RNF139: variants seen among roughly 807,000 people sequenced by gnomAD.
RNF139 encodes E3 ubiquitin-protein ligase RNF139.
In RNF139, 15 loss-of-function variants were observed where a neutral mutation model predicts 49.5. That is an observed-to-expected ratio of 0.30 (90% CI 0.20 to 0.47). The LOEUF (loss-of-function observed/expected upper bound fraction) is 0.47. RNF139 is among the 20% of genes least tolerant of loss of function. The pLI is 1.00. For missense variants in RNF139, 619 were observed against 806.3 expected (o/e 0.77, Z 2.81); for synonymous variants, 325 against 300.9 (o/e 1.08, Z -0.83).
intron 1 of RNF139, among the ~76,000 whole-genome samples, chr8:124,476,593 C>G (rs989705566): frequency 6.6e-6 from 1 of 152,196 alleles, no homozygotes; most frequent in Non-Finnish European, 1.5e-5. Flanking sequence ...ATGTTCAGCC[C>G]AAGCTGCTTC....
In RNF139 at chr8:124,486,450, T is replaced by C. The variant is rs746063456; in HGVS notation, c.801T>C (p.Phe267=). The change falls in exon 2 of 2, where the codon TTT becomes TTC. Residue 267 remains phenylalanine (F), a synonymous_variant. Coordinates refer to ENST00000303545, the MANE Select transcript of RNF139 (RefSeq NM_007218.4). ...TGGCAAATGAAACTGATTCCTTCTT[T>C]ATTTCTTGGGATGATTTTTGGGACC... ...LRMANETDSF[F]ISWDDFWDLI... is the part of the protein sequence containing the mutation. 1.7e-5 allele frequency: 28 copies of C among 1,614,028 alleles called. No individual in the cohort carries two copies. The highest frequency in any genetic ancestry group is 2.2e-5 in the East Asian group (1 of 44,892).
intron 1 of RNF139, among the ~76,000 whole-genome samples, chr8:124,480,440 T>TG (rs1234893972): frequency 1.4e-5 from 2 of 148,054 alleles, no homozygotes; most frequent in African/African-American, 5.0e-5. Context: ...AGTCAAATCT[T>TG]GGGTAAGGGG....
At chr8:124,477,538 G>C (rs910075829) in intron 1 of RNF139, among the ~76,000 whole-genome samples, 1 of 152,110 alleles carries the variant, frequency 6.6e-6, no homozygotes. Flanking sequence ...TTTATGTGTG[G>C]TGGTAGAAGT....
At chr8:124,476,086 C>A (rs4870899) in intron 1 of RNF139, among the ~76,000 whole-genome samples, 12,456 of 152,160 alleles carry the variant, frequency 0.082, 777 homozygotes, top group South Asian at 0.29. Context: ...TGTAACTTGG[C>A]AAATTTTGTT....
chr8:124,481,826 T>A (rs1408867140), intron 1 of RNF139, among the ~76,000 whole-genome samples: 2 of 152,160 alleles, frequency 1.3e-5, no homozygotes, highest in Non-Finnish European at 2.9e-5. Context: ...GGCTTTCATG[T>A]CTAATGTAAA....
In RNF139 at chr8:124,487,419, C is replaced by T. The variant is rs775527303; in HGVS notation, c.1770C>T (p.Tyr590=). 3 of 1,614,076 alleles carry T rather than the reference C, an allele frequency of 1.9e-6. No homozygotes were observed. The highest frequency in any genetic ancestry group is 2.5e-6 in the Non-Finnish European group (3 of 1,179,976). ...GTCCAATGTGCCATCAGAAAGTATA[C>T]ATCGAAGATGATATCAAGGATAATT... ...DTCPMCHQKV[Y]IEDDIKDNSN... The change falls in exon 2 of 2, where the codon TAC becomes TAT. Residue 590 remains tyrosine, a synonymous_variant. Transcript: ENST00000303545.
In RNF139 at chr8:124,474,895, AGCC is replaced by A. The variant is rs150293365; in HGVS notation, c.-202_-200del. ...ACCGAAACCCAGAGACCTCCTGGGG[AGCC>A]GCCGCCGCCGCCCTCTCGGCCATCG... On this transcript the variant is annotated 5_prime_UTR_variant, in exon 1 of 2. Coordinates refer to ENST00000303545, the MANE Select transcript of RNF139 (RefSeq NM_007218.4). The surrounding 1 kb of genome is among the most constrained non-coding windows in gnomAD (Gnocchi z 4.6). 15 of 312,856 alleles carry A rather than the reference AGCC, an allele frequency of 4.8e-5. No homozygotes were observed. Among genetic ancestry groups the A allele is most frequent in the South Asian group, 1.5e-4 (1 of 6,704 alleles). The allele number at this position is 312,856 out of a possible 1,614,324, so 19.4% of individuals were successfully genotyped here.
intron 1 of RNF139, among the ~76,000 whole-genome samples, chr8:124,478,899 A>G (rs539780391): frequency 4.7e-5 from 7 of 149,890 alleles, no homozygotes; most frequent in East Asian, 4.1e-4. Context: ...ATTTTTTTCT[A>G]TTTTTAGTAG....
intron 1 of RNF139, among the ~76,000 whole-genome samples, chr8:124,478,132 ACT>A (rs1289091621): frequency 4.7e-5 from 7 of 149,852 alleles, no homozygotes; most frequent in Non-Finnish European, 7.4e-5. Context: ...ATAGAGTGAG[ACT>A]CTGTCTAAAA....
intron 1 of RNF139, among the ~76,000 whole-genome samples, chr8:124,478,526 C>A (rs1044854419): frequency 8.8e-5 from 13 of 146,954 alleles, no homozygotes; most frequent in African/African-American, 3.3e-4. Flanking sequence ...GAGAATCTCT[C>A]GAATCGGGGA....
rs1378819937 is a variant in RNF139 at position 124,486,432 on chromosome 8, T to C, written c.783T>C (p.Asn261=). 4 of 1,614,072 alleles carry C rather than the reference T, an allele frequency of 2.5e-6. No individual in the cohort carries two copies. Among genetic ancestry groups the C allele is most frequent in the Non-Finnish European group, 3.4e-6 (4 of 1,180,032 alleles). Residue 261 remains asparagine, a synonymous_variant, in exon 2 of 2, where the codon AAT becomes AAC. Coordinates refer to ENST00000303545, the MANE Select transcript of RNF139 (RefSeq NM_007218.4). ...TAATGTACATCTTAAGGATGGCAAATGAAACTGATTCCTTCTTTATTTCTT... is the reference window on the plus strand; with the variant it reads ...TAATGTACATCTTAAGGATGGCAAACGAAACTGATTCCTTCTTTATTTCTT... The part of the protein sequence containing the change: ...TVLMYILRMA[N]ETDSFFISWD...
Position 124,486,735 on chromosome 8 carries a change from A to C in RNF139, c.1086A>C (p.Ala362=), listed in dbSNP as rs1192268748. 16 of 1,613,990 alleles carry C rather than the reference A, an allele frequency of 9.9e-6. No individual in the cohort carries two copies. Among genetic ancestry groups the C allele is most frequent in the Non-Finnish European group, 1.4e-5 (16 of 1,179,958 alleles). ...LSRNMCLLLT[A]VLHFIHGMTD... The stretch of plus-strand genomic sequence containing the variant: ...GAAACATGTGCCTTTTATTAACTGC[A>C]GTCCTGCATTTTATCCATGGAATGA... Residue 362 remains alanine, a synonymous_variant, in exon 2 of 2, where the codon GCA becomes GCC. Coordinates refer to ENST00000303545, the MANE Select transcript of RNF139 (RefSeq NM_007218.4).
chr8:124,480,557 G>T (rs948970528), intron 1 of RNF139, among the ~76,000 whole-genome samples: 1 of 152,114 alleles, frequency 6.6e-6, no homozygotes, highest in Non-Finnish European at 1.5e-5. Flanking sequence ...AAGAAGGAGA[G>T]AAGAGGAGAA....
Position 124,475,218 on chromosome 8 carries a change from A to C in RNF139, c.109A>C (p.Ile37Leu), listed in dbSNP as rs772771107. 1.7e-5 allele frequency: 28 copies of C among 1,612,788 alleles called. No homozygotes were observed. In the South Asian group the frequency reaches 2.9e-4, roughly 16 times the overall value. ...RVPCLYIIDA[I>L]FNSYPDSSQS... is the part of the protein sequence containing the mutation. ...GCCCTGCCTTTACATCATCGACGCC[A>C]TCTTCAACTCCTACCCGGATTCCAG... The change falls in exon 1 of 2, where the codon ATC (isoleucine) becomes CTC (leucine). Residue 37 changes from isoleucine to leucine, a missense_variant. Physicochemically the swap from Ile to Leu is conservative, Grantham distance 5. Coordinates refer to ENST00000303545, the MANE Select transcript of RNF139 (RefSeq NM_007218.4).
At position 124,487,180 on chromosome 8, in the gene RNF139, C is replaced by T; in HGVS notation, c.1531C>T (p.Gln511Ter). 6.2e-7 allele frequency: 1 copy of T among 1,613,934 alleles called. No homozygotes were observed. Among genetic ancestry groups the T allele is most frequent in the Non-Finnish European group, 8.5e-7 (1 of 1,180,000 alleles). Reference protein sequence around the residue: ...CLHAYFNIYLQAKNGWKTFMN... With the variant: ...CLHAYFNIYL Reference sequence around the variant, plus strand: ...ACATGCATATTTTAACATCTACTTACAAGCCAAAAATGGCTGGAAGACATT... The same window carrying T: ...ACATGCATATTTTAACATCTACTTATAAGCCAAAAATGGCTGGAAGACATT... Residue 511 changes from glutamine (Q) to a stop codon, truncating the protein, a stop_gained, in exon 2 of 2, where the codon CAA (glutamine) becomes TAA (stop). Coordinates refer to ENST00000303545, the MANE Select transcript of RNF139 (RefSeq NM_007218.4). LOFTEE classifies it high-confidence loss of function.
At chr8:124,482,950 A>T (rs1225304948) in intron 1 of RNF139, among the ~76,000 whole-genome samples, 1 of 95,706 alleles carries the variant, frequency 1.0e-5, no homozygotes, top group Non-Finnish European at 2.1e-5. Flanking sequence ...AAAAATATAT[A>T]TATATATAAT....
At chr8:124,483,055 A>ATATTAT (rs1554601216) in intron 1 of RNF139, among the ~76,000 whole-genome samples, 2 of 8,390 alleles carry the variant, frequency 2.4e-4, no homozygotes, top group Non-Finnish European at 4.2e-4. Context: ...AAATATATCT[A>ATATTAT]TTAAAAATAT....
intron 1 of RNF139, among the ~76,000 whole-genome samples, chr8:124,480,152 T>A (rs1018455541): frequency 1.4e-5 from 2 of 147,814 alleles, no homozygotes; most frequent in African/African-American, 5.0e-5. Context: ...AAAAAAAAAA[T>A]AGTCATTTCT....
At chr8:124,480,254 T>C (rs1816386133) in intron 1 of RNF139, among the ~76,000 whole-genome samples, 1 of 151,784 alleles carries the variant, frequency 6.6e-6, no homozygotes, top group South Asian at 2.1e-4. Context: ...TTTTCCAATC[T>C]TAGATTAAGG....
Sources: gnomAD v4.1 joint callset for allele counts (sites outside exome capture counted in the v4.1 genomes callset) on GRCh38, gnomAD v4.1.1 for gene constraint, Gnocchi (gnomAD v3.1) non-coding constraint, MANE v1.5 for transcripts, NCBI Gene and HGNC (gene_info 2026-07-23, HGNC 2026-07-21) for gene names.